The following UNC13C variants were observed in gnomAD, a reference collection of about 807,000 sequenced individuals.
The protein encoded by UNC13C is unc-13 homolog C.
Under a neutral mutation model 245.4 loss-of-function variants are expected in UNC13C, and 174 were observed. The ratio of observed to expected loss-of-function variants is 0.71; its 90% CI spans 0.63 to 0.80. UNC13C has a LOEUF of 0.80. Ranked by LOEUF, UNC13C falls within the 30% of genes least tolerant of loss-of-function variation. The pLI, the probability that UNC13C is intolerant of heterozygous loss-of-function variation, is 0.00. For synonymous variants in UNC13C, 992 were observed against 895.1 expected (o/e 1.11, Z -1.93); for missense variants, 2,829 against 2,602.9 (o/e 1.09, Z -1.89).
chr15:54,533,935 C>T (rs1050379145), intron 26 of UNC13C, among the ~76,000 whole-genome samples: 1 of 152,112 alleles, frequency 6.6e-6, no homozygotes, highest in Admixed American at 6.5e-5. Flanking sequence ...GAATGCCTAC[C>T]AAGGGACCAG....
At chr15:53,994,833 A>G (rs964904164) in intron 1 of UNC13C, among the ~76,000 whole-genome samples, 2 of 152,138 alleles carry the variant, frequency 1.3e-5, no homozygotes, top group Non-Finnish European at 2.9e-5. Context: ...TATTTTTAAA[A>G]TAAAAAAACA....
At chr15:54,036,680 A>T (rs1031911389) in intron 2 of UNC13C, among the ~76,000 whole-genome samples, 2 of 152,232 alleles carry the variant, frequency 1.3e-5, no homozygotes, top group African/African-American at 4.8e-5. Context: ...CCTTAGCAGC[A>T]CTAGATGCAG....
intron 17 of UNC13C, among the ~76,000 whole-genome samples, chr15:54,386,985 C>G (rs997145736): frequency 6.6e-6 from 1 of 152,156 alleles, no homozygotes; most frequent in Admixed American, 6.5e-5. Flanking sequence ...ATTTTCCTAG[C>G]TGATAAACTG....
chr15:54,597,946 G>A (rs993878674), intron 30 of UNC13C, among the ~76,000 whole-genome samples: 2 of 152,108 alleles, frequency 1.3e-5, no homozygotes, highest in Non-Finnish European at 2.9e-5. Flanking sequence ...AATATTTTAT[G>A]AGCAAAATAA....
In UNC13C at chr15:54,091,764, C is replaced by T. The variant is rs534930129; in HGVS notation, c.2984-51254C>T. Among the ~76,000 whole-genome samples, 93 of 151,574 alleles carry T rather than the reference C, an allele frequency of 6.1e-4. 3 individuals are homozygous for T. The South Asian group carries it at 8.7e-3, about 14-fold the overall frequency. On this transcript the variant is annotated intron_variant, in intron 2 of 32. Coordinates refer to ENST00000260323, the MANE Select transcript of UNC13C (RefSeq NM_001080534.3). ...ATCTCTTATAGTTTTTCAATTGATACTTTTTTTTAAGAGAAATCATTTTAT... is the reference window on the plus strand; with the variant it reads ...ATCTCTTATAGTTTTTCAATTGATATTTTTTTTTAAGAGAAATCATTTTAT...
chr15:54,036,170 C>T (rs1300344662), intron 2 of UNC13C, among the ~76,000 whole-genome samples: 1 of 152,142 alleles, frequency 6.6e-6, no homozygotes, highest in Non-Finnish European at 1.5e-5. Context: ...AAATTAACCG[C>T]AAGTTGTTAC....
At chr15:54,309,106 A>T (rs2037800780) in intron 13 of UNC13C, among the ~76,000 whole-genome samples, 1 of 151,804 alleles carries the variant, frequency 6.6e-6, no homozygotes, top group African/African-American at 2.4e-5. Context: ...TGCTGTAATA[A>T]TTTACATTAC....
intron 28 of UNC13C, among the ~76,000 whole-genome samples, chr15:54,551,575 A>G (rs1896737374): frequency 6.6e-6 from 1 of 152,068 alleles, no homozygotes; most frequent in African/African-American, 2.4e-5. Context: ...TTGTGGTCCC[A>G]TTATTTTCTC....
chr15:54,007,321 A>G (rs1895183351), intron 1 of UNC13C, among the ~76,000 whole-genome samples: 1 of 152,190 alleles, frequency 6.6e-6, no homozygotes, highest in Non-Finnish European at 1.5e-5. Context: ...AGAAAGTCAA[A>G]AAGTCAAGTG....
intron 18 of UNC13C, among the ~76,000 whole-genome samples, chr15:54,406,421 A>G (rs548218642): frequency 3.3e-4 from 51 of 152,280 alleles, no homozygotes; most frequent in African/African-American, 1.2e-3. Flanking sequence ...GTCTTGCTGC[A>G]GGGGAAAATC....
At chr15:53,929,345 C>T in the UNC13C span, among the ~76,000 whole-genome samples, 1 of 152,076 alleles carries the variant, frequency 6.6e-6, no homozygotes, top group Admixed American at 6.5e-5. Context: ...TGGGTGGGGA[C>T]ACAGCCAAAC....
At chr15:54,312,113 C>T (rs1003545866) in intron 13 of UNC13C, among the ~76,000 whole-genome samples, 3 of 151,654 alleles carry the variant, frequency 2.0e-5, no homozygotes, top group African/African-American at 4.8e-5. Context: ...AAATGTATAA[C>T]GCCAACCAGA....
rs2725587 is a variant in UNC13C at position 53,978,448 on chromosome 15, A to C, written c.-736A>C. Among the ~76,000 whole-genome samples, 69,675 of 151,584 alleles carry C rather than the reference A, an allele frequency of 0.46. 16,227 individuals are homozygous for C. The highest frequency in any genetic ancestry group is 0.58 in the East Asian group (2,949 of 5,110). The stretch of plus-strand genomic sequence containing the variant: ...AGTGCCGGTGCTGCATTCAGAAAAG[A>C]CTCAGCCGCAGCCGGCGATGTGTGA... On this transcript the variant is annotated 5_prime_UTR_variant, in exon 1 of 33. Coordinates refer to ENST00000260323, the MANE Select transcript of UNC13C (RefSeq NM_001080534.3).
At chr15:54,307,762 C>G (rs12443276) in intron 13 of UNC13C, among the ~76,000 whole-genome samples, 12,456 of 151,922 alleles carry the variant, frequency 0.082, 571 homozygotes, top group East Asian at 0.17. Flanking sequence ...CACCATTGCT[C>G]TTGTACTCAA....
intron 2 of UNC13C, among the ~76,000 whole-genome samples, chr15:54,120,161 G>A (rs2030569131): frequency 6.6e-6 from 1 of 152,138 alleles, no homozygotes; most frequent in Admixed American, 6.6e-5. Context: ...ACGACACCAG[G>A]ACTTTTAAAG....
At chr15:54,589,660 A>ATT (rs199820666) in intron 30 of UNC13C, among the ~76,000 whole-genome samples, 3 of 148,802 alleles carry the variant, frequency 2.0e-5, no homozygotes, top group Admixed American at 6.7e-5. Context: ...TTTTCATCAG[A>ATT]TTTTTTTTTT....
At chr15:54,442,189 G>A (rs1460373505) in intron 19 of UNC13C, among the ~76,000 whole-genome samples, 1 of 150,524 alleles carries the variant, frequency 6.6e-6, no homozygotes, top group African/African-American at 2.4e-5. Context: ...GCTCTAGCAA[G>A]GACTTCCAGT....
chr15:54,251,097 G>A (rs1490466428), intron 8 of UNC13C, among the ~76,000 whole-genome samples: 1 of 152,104 alleles, frequency 6.6e-6, no homozygotes, highest in Non-Finnish European at 1.5e-5. Flanking sequence ...ATAGTTCCAT[G>A]AGGTAAGTGG....
At chr15:54,333,693 G>A in intron 15 of UNC13C, 74 bp from the exon 16 acceptor site, 1 of 872,188 alleles carries the variant, frequency 1.1e-6, no homozygotes, top group Non-Finnish European at 1.9e-6. Flanking sequence ...TTCATGAGAA[G>A]CTAGTTTTAG....
Sources: allele counts gnomAD v4.1 joint callset (sites outside exome capture counted in the v4.1 genomes callset), GRCh38; gene constraint gnomAD v4.1.1; transcripts MANE v1.5; gene names NCBI Gene and HGNC (gene_info 2026-07-23, HGNC 2026-07-21).